The following OR6A2 variants were observed in gnomAD, a reference collection of about 807,000 sequenced individuals.
OR6A2 encodes the protein olfactory receptor 6A2.
OR6A2 carries 6 observed loss-of-function variants against 7.1 expected under a neutral mutation model. The ratio of observed to expected loss-of-function variants is 0.85; its 90% CI spans 0.46 to 1.68. The LOEUF (loss-of-function observed/expected upper bound fraction) is 1.68, where lower values mean the gene tolerates loss of function less well. Ranked by LOEUF, OR6A2 falls within the 40% of genes most tolerant of loss-of-function variation. The pLI, the probability that OR6A2 is intolerant of heterozygous loss-of-function variation, is 0.01. For missense variants in OR6A2, 431 were observed against 398.0 expected (o/e 1.08, Z -0.71); for synonymous variants, 162 against 152.1 (o/e 1.06, Z -0.48).
chr11:6,796,830 G>T (rs546537737), intron 1 of OR6A2, among the ~76,000 whole-genome samples: 59 of 152,238 alleles, frequency 3.9e-4, no homozygotes, highest in Non-Finnish European at 7.5e-4. Context: ...CATGGGAGTT[G>T]ATATGAAGGA....
rs1436268171 is a variant in OR6A2, at chr11:6,795,630, G to C, written c.79C>G (p.Leu27Val). The change falls in exon 2 of 2, where the codon CTA (leucine) becomes GTA (valine). Residue 27 changes from leucine (L) to valine (V), a missense_variant. Transcript: ENST00000641196. ...GCCAGCAGCAAAAGGGCAAACAATA[G>C]TACCTGTAGTGGCGCAGGAGCAGGG... is the stretch of plus-strand genomic sequence containing the variant. ...GFPAPAPLQV[L>V]LFALLLLAYV... 1.8e-5 allele frequency: 29 copies of C among 1,613,870 alleles called. No homozygotes were observed. Among genetic ancestry groups the C allele is most frequent in the Non-Finnish European group, 2.5e-5 (29 of 1,179,938 alleles).
intron 1 of OR6A2, among the ~76,000 whole-genome samples, chr11:6,798,599 C>T (rs1180204277): frequency 6.6e-6 from 1 of 152,186 alleles, no homozygotes; most frequent in East Asian, 1.9e-4. Flanking sequence ...TTTGAGAACA[C>T]ATACAAAATC....
Position 6,795,221 on chromosome 11 carries a change from A to G in OR6A2, c.488T>C (p.Val163Ala), listed in dbSNP as rs775521024. 2 of 1,614,086 alleles carry G rather than the reference A, an allele frequency of 1.2e-6. No homozygotes were observed. The highest frequency in any genetic ancestry group is 2.2e-5 in the South Asian group (2 of 91,076). ...SWAGGFGISM[V>A]KVFLISGLSY... Reference sequence around the variant, plus strand: ...GAGGCCAGAAATAAGAAAAACTTTGACCATGGAGATGCCAAAACCTCCAGC... The same window carrying G: ...GAGGCCAGAAATAAGAAAAACTTTGGCCATGGAGATGCCAAAACCTCCAGC... The change falls in exon 2 of 2, where the codon GTC becomes GCC. Residue 163 changes from valine (V) to alanine (A), a missense_variant. Physicochemically the swap from Val to Ala is moderately conservative, Grantham distance 64. Coordinates refer to ENST00000641196, the MANE Select transcript of OR6A2 (RefSeq NM_003696.3).
rs2133033013 is a variant in OR6A2, at chr11:6,792,721, G to C, written c.*2004C>G. 1 of 152,088 alleles carries C rather than the reference G, an allele frequency of 6.6e-6. No homozygotes were observed. Among genetic ancestry groups the C allele is most frequent in the East Asian group, 1.9e-4 (1 of 5,196 alleles). The allele number at this position is 152,088 out of a possible 1,614,324, so 9.4% of individuals were successfully genotyped here. A position where few individuals can be genotyped will look rare whatever the true frequency, so the allele number is the denominator to read the frequency against. ...AATCAGTTACATAAATGGAGGATGG[G>C]GGATACTTAATCTGATAATCAATAC... On this transcript the variant is annotated 3_prime_UTR_variant, in exon 2 of 2. Coordinates refer to ENST00000641196, the MANE Select transcript of OR6A2 (RefSeq NM_003696.3).
In OR6A2 at chr11:6,794,652, G is replaced by A; in HGVS notation, c.*73C>T. On this transcript the variant is annotated 3_prime_UTR_variant, in exon 2 of 2. Transcript: ENST00000641196. Reference sequence around the variant, plus strand: ...CTCTGGCCCCCAATTTAGGCCCTAAGAACTCCACTGGACTTCATAGAACAC... The same window carrying A: ...CTCTGGCCCCCAATTTAGGCCCTAAAAACTCCACTGGACTTCATAGAACAC... 6.5e-7 allele frequency: 1 copy of A among 1,544,508 alleles called. No homozygotes were observed. Among genetic ancestry groups the A allele is most frequent in the Non-Finnish European group, 8.7e-7 (1 of 1,145,324 alleles).
rs1847722046 is a variant in OR6A2 at position 6,794,449 on chromosome 11, T to G, written c.*276A>C. 3 of 395,376 alleles carry G rather than the reference T, an allele frequency of 7.6e-6. No individual in the cohort carries two copies. The highest frequency in any genetic ancestry group is 4.0e-5 in the African/African-American group (2 of 50,452). 24.5% of individuals were successfully genotyped at this position (395,376 alleles called of 1,614,324 possible). ...TTCCGTAATGAAGCCTGTGCTTCCT[T>G]GATTGGAACCTTGTCTATGCAAATT... On this transcript the variant is annotated 3_prime_UTR_variant, in exon 2 of 2. Transcript: ENST00000641196.
In OR6A2 at chr11:6,795,628, T is replaced by C. The variant is rs745886269; in HGVS notation, c.81A>G (p.Leu27=). ...AGGCCAGCAGCAAAAGGGCAAACAA[T>C]AGTACCTGTAGTGGCGCAGGAGCAG... ...GFPAPAPLQV[L]LFALLLLAYV... Residue 27 remains leucine (L), a synonymous_variant, in exon 2 of 2, where the codon CTA becomes CTG. Transcript: ENST00000641196. The C allele has an allele frequency of 3.1e-6, 5 of 1,613,926 alleles. No homozygotes were observed. Among genetic ancestry groups the C allele is most frequent in the Non-Finnish European group, 3.4e-6 (4 of 1,179,904 alleles).
At position 6,795,601 on chromosome 11, in the gene OR6A2, A is replaced by G; in HGVS notation, c.108T>C (p.Tyr36=). The change falls in exon 2 of 2, where the codon TAT becomes TAC. Residue 36 remains tyrosine, a synonymous_variant. Coordinates refer to ENST00000641196, the MANE Select transcript of OR6A2 (RefSeq NM_003696.3). ...VLLFALLLLA[Y]VLVLTENTLI... ...GTGTGTTCTCAGTCAGCACCAACAC[A>G]TAGGCCAGCAGCAAAAGGGCAAACA... 6.2e-7 allele frequency: 1 copy of G among 1,614,116 alleles called. No homozygotes were observed. The highest frequency in any genetic ancestry group is 8.5e-7 in the Non-Finnish European group (1 of 1,179,992).
chr11:6,798,871 GT>G (rs1280611612), intron 1 of OR6A2, among the ~76,000 whole-genome samples: 2 of 152,130 alleles, frequency 1.3e-5, no homozygotes, highest in Non-Finnish European at 2.9e-5. Flanking sequence ...TCTGACAGTA[GT>G]TCCTGTTATA....
chr11:6,795,818 C>T lies in OR6A2; in HGVS notation c.-110G>A, dbSNP rs539376563. On this transcript the variant is annotated 5_prime_UTR_variant, in exon 2 of 2. It adds an upstream start codon to the 5' untranslated region. Coordinates refer to ENST00000641196, the MANE Select transcript of OR6A2 (RefSeq NM_003696.3). ...ATGGGCTTATATTGGTCGAATACCA[C>T]GTAAGGAGTTCATGTAATTAATCAC... 27 of 919,024 alleles carry T rather than the reference C, an allele frequency of 2.9e-5. No individual in the cohort carries two copies. Among genetic ancestry groups the T allele is most frequent in the African/African-American group, 2.5e-4 (15 of 60,330 alleles). 56.9% of individuals were successfully genotyped at this position (919,024 alleles called of 1,614,324 possible). A position where few individuals can be genotyped will look rare whatever the true frequency, so the allele number is the denominator to read the frequency against.
Position 6,795,461 on chromosome 11 carries a change from A to AT in OR6A2, c.247_248insA (p.Leu83HisfsTer18). On this transcript the variant is annotated frameshift_variant, in exon 2 of 2. Coordinates refer to ENST00000641196, the MANE Select transcript of OR6A2 (RefSeq NM_003696.3). LOFTEE classifies it high-confidence loss of function. ...CTGTTTGGATCCAACAAAGCCAGCA[A>AT]GCATCTTGGGAATAGTGACAGTGAC... The AT allele has an allele frequency of 6.2e-7, 1 of 1,614,180 alleles. No individual in the cohort carries two copies. The highest frequency in any genetic ancestry group is 8.5e-7 in the Non-Finnish European group (1 of 1,180,010).
chr11:6,799,163 G>C (rs1472166284), intron 1 of OR6A2, among the ~76,000 whole-genome samples: 1 of 152,162 alleles, frequency 6.6e-6, no homozygotes, highest in African/African-American at 2.4e-5. Flanking sequence ...TAGATGAAGT[G>C]CAAGAAGATT....
chr11:6,793,271 AG>A lies in OR6A2; in HGVS notation c.*1453del, dbSNP rs1847709490. 6.6e-6 allele frequency: 1 copy of A among 152,236 alleles called. No individual in the cohort carries two copies. The highest frequency in any genetic ancestry group is 2.1e-4 in the South Asian group (1 of 4,836). The allele number at this position is 152,236 out of a possible 1,614,324, so 9.4% of individuals were successfully genotyped here. ...TTAAAACTTTTAATAAGTATGGGCT[AG>A]CAAATAATGCATGATATCCTTGGTA... On this transcript the variant is annotated 3_prime_UTR_variant, in exon 2 of 2. Transcript: ENST00000641196.
chr11:6,795,910 G>GTTT (rs34931384), intron 1 of OR6A2, 26 bp from the exon 2 acceptor site: 305 of 445,966 alleles, frequency 6.8e-4, no homozygotes, highest in Non-Finnish European at 8.5e-4. Flanking sequence ...AAAAATAAAT[G>GTTT]TTTTTTTTTT....
At chr11:6,799,254 G>C (rs1473650032) in intron 1 of OR6A2, among the ~76,000 whole-genome samples, 1 of 152,124 alleles carries the variant, frequency 6.6e-6, no homozygotes, top group African/African-American at 2.4e-5. Flanking sequence ...AGATAAGGTG[G>C]AGATAACTAG....
chr11:6,794,717 C>T lies in OR6A2; in HGVS notation c.*8G>A, dbSNP rs552290017. On this transcript the variant is annotated 3_prime_UTR_variant, in exon 2 of 2. Transcript: ENST00000641196. ...TAATAGCATTTTATCAGATTTCACA[C>T]ATCCCTTCTATACATTTCTGCTAGC... 4.3e-6 allele frequency: 7 copies of T among 1,609,908 alleles called. No homozygotes were observed. In the East Asian group the frequency reaches 1.6e-4, roughly 36 times the overall value.
chr11:6,795,910 GT>G (rs34931384), intron 1 of OR6A2, 26 bp from the exon 2 acceptor site: 11,624 of 438,244 alleles, frequency 0.027, 1 homozygote, highest in South Asian at 0.045. Flanking sequence ...AAAAATAAAT[GT>G]TTTTTTTTTT....
rs372235638 is a variant in OR6A2 at position 6,795,040 on chromosome 11, A to G, written c.669T>C (p.Tyr223=). The part of the protein sequence containing the change: ...LGPLSVTGAS[Y]VAITGAVMHI... The stretch of plus-strand genomic sequence containing the variant: ...GCATCACAGCACCAGTAATGGCCAC[A>G]TAGGAGGCCCCAGTGACAGAGAGTG... Residue 223 remains tyrosine (Y), a synonymous_variant, in exon 2 of 2, where the codon TAT becomes TAC. Transcript: ENST00000641196. 68 of 1,613,982 alleles carry G rather than the reference A, an allele frequency of 4.2e-5. No individual in the cohort carries two copies. Among genetic ancestry groups the G allele is most frequent in the Admixed American group, 1.7e-5 (1 of 59,998 alleles).
At position 6,795,469 on chromosome 11, in the gene OR6A2, G is replaced by C; in HGVS notation, c.240C>G (p.Pro80=). The change falls in exon 2 of 2, where the codon CCC becomes CCG. Residue 80 remains proline, a synonymous_variant. Transcript: ENST00000641196. The stretch of plus-strand genomic sequence containing the variant: ...ATCCAACAAAGCCAGCAAGCATCTT[G>C]GGAATAGTGACAGTGACATACCAGA... The part of the protein sequence containing the change: ...LEIWYVTVTI[P]KMLAGFVGSK... The C allele has an allele frequency of 6.2e-7, 1 of 1,614,130 alleles. No homozygotes were observed. Among genetic ancestry groups the C allele is most frequent in the African/African-American group, 1.3e-5 (1 of 75,026 alleles).
Sources: gnomAD v4.1 joint callset for allele counts (sites outside exome capture counted in the v4.1 genomes callset) on GRCh38, gnomAD v4.1.1 for gene constraint, MANE v1.5 for transcripts, NCBI Gene and HGNC (gene_info 2026-07-23, HGNC 2026-07-21) for gene names.